The following MON2 variants were observed in gnomAD, a reference collection of about 807,000 sequenced individuals.
MON2 encodes the protein protein MON2 homolog.
A neutral mutation model predicts 208.6 loss-of-function variants in MON2; 84 were observed. The ratio of observed to expected loss-of-function variants is 0.40; its 90% CI spans 0.34 to 0.48. The LOEUF is 0.48. Among genes scored for constraint, MON2 ranks in the 20% least tolerant of loss-of-function variants. The probability of loss-of-function intolerance (pLI) is 0.59; values close to 1 mark genes in which losing one functional copy is unlikely to be tolerated. For synonymous variants in MON2, 660 were observed against 694.0 expected (o/e 0.95, Z 0.77); for missense variants, 1,611 against 2,015.4 (o/e 0.80, Z 3.84).
intron 2 of MON2, among the ~76,000 whole-genome samples, chr12:62,490,417 T>C (rs2070057284): frequency 6.6e-6 from 1 of 152,142 alleles, no homozygotes; most frequent in Non-Finnish European, 1.5e-5. Flanking sequence ...TACAGCCTTT[T>C]TGTCAGTGTG....
At chr12:62,590,052 G>A (rs1448864773) in intron 34 of MON2, among the ~76,000 whole-genome samples, 2 of 152,054 alleles carry the variant, frequency 1.3e-5, no homozygotes, top group Non-Finnish European at 2.9e-5. Context: ...AGTGAGAGAA[G>A]ATGCATTTGT....
At chr12:62,581,506 G>A (rs1016625659) in intron 32 of MON2, among the ~76,000 whole-genome samples, 4 of 152,146 alleles carry the variant, frequency 2.6e-5, no homozygotes, top group African/African-American at 9.7e-5. Flanking sequence ...AGTTATGATT[G>A]TACCACTGCA....
intron 12 of MON2, among the ~76,000 whole-genome samples, chr12:62,533,342 C>G (rs1378428246): frequency 2.0e-5 from 3 of 152,186 alleles, no homozygotes; most frequent in Non-Finnish European, 4.4e-5. Context: ...TAATTATTAA[C>G]TTTTTGTGGA....
intron 30 of MON2, among the ~76,000 whole-genome samples, chr12:62,577,799 G>A (rs1006897711): frequency 2.0e-5 from 3 of 151,982 alleles, no homozygotes; most frequent in African/African-American, 7.2e-5. Context: ...ATTCTCAACT[G>A]TTTTTAAATA....
At chr12:62,470,124 C>G (rs1353371746) in intron 1 of MON2, among the ~76,000 whole-genome samples, 1 of 151,934 alleles carries the variant, frequency 6.6e-6, no homozygotes, top group Non-Finnish European at 1.5e-5. Flanking sequence ...CGAGGCTTGT[C>G]TCCAACTCCT....
intron 10 of MON2, 24 bp from the exon 11 acceptor site, chr12:62,525,925 T>C (rs2072309336): frequency 3.7e-6 from 6 of 1,603,544 alleles, no homozygotes; most frequent in Non-Finnish European, 5.1e-6. Context: ...GTGTCTTTTC[T>C]TTTTTTCCCT....
chr12:62,589,448 T>G (rs1449707953), intron 34 of MON2, among the ~76,000 whole-genome samples: 1 of 152,208 alleles, frequency 6.6e-6, no homozygotes, highest in Non-Finnish European at 1.5e-5. Flanking sequence ...TTTTCTTTTG[T>G]TAAAATTCAC....
intron 1 of MON2, among the ~76,000 whole-genome samples, chr12:62,479,110 A>C (rs753783077): frequency 2.0e-5 from 3 of 152,212 alleles, no homozygotes; most frequent in Non-Finnish European, 4.4e-5. Context: ...TTAAACATTT[A>C]GGTTAATAAT....
At chr12:62,503,636 A>G (rs903706403) in intron 7 of MON2, among the ~76,000 whole-genome samples, 4 of 152,214 alleles carry the variant, frequency 2.6e-5, no homozygotes, top group African/African-American at 9.6e-5. Flanking sequence ...TTCATGGTTT[A>G]GTCCCCAGTA....
At chr12:62,479,275 T>G (rs2069259278) in intron 1 of MON2, among the ~76,000 whole-genome samples, 1 of 152,232 alleles carries the variant, frequency 6.6e-6, no homozygotes, top group Admixed American at 6.5e-5. Context: ...CTGAGGATAT[T>G]CAAGCCCCTG....
In MON2 at chr12:62,498,019, T is replaced by A. The variant is rs1280223085; in HGVS notation, c.436-900T>A. 2.0e-5 allele frequency among the ~76,000 whole-genome samples: 3 copies of A among 151,776 alleles called. No homozygotes were observed. In the East Asian group the frequency reaches 5.8e-4, roughly 29 times the overall value. ...TAAATGAAAACATATGTCCTCACAG[T>A]GACTTATATATATGAATGTTCATAG... On this transcript the variant is annotated intron_variant, in intron 4 of 34. Transcript: ENST00000393630.
At chr12:62,510,396 A>C (rs1431628743) in intron 8 of MON2, among the ~76,000 whole-genome samples, 2 of 152,218 alleles carry the variant, frequency 1.3e-5, no homozygotes, top group African/African-American at 4.8e-5. Context: ...AGAAAGTACA[A>C]GGAAACTTAA....
chr12:62,581,617 C>T (rs951734478), intron 32 of MON2, among the ~76,000 whole-genome samples: 1 of 152,088 alleles, frequency 6.6e-6, no homozygotes, highest in East Asian at 1.9e-4. Flanking sequence ...GGGCAGATCA[C>T]TTAAGGTCAG....
Position 62,565,390 on chromosome 12 carries a change from T to C in MON2, c.4176+10T>C. The stretch of plus-strand genomic sequence containing the variant: ...TGCAAAATATAATCAGGTAATTTAC[T>C]GTAAATTTTATTTACTTTGTAAGAT... On this transcript the variant is annotated intron_variant, in intron 27 of 34. Coordinates refer to ENST00000393630, the MANE Select transcript of MON2 (RefSeq NM_015026.3). 1 of 1,588,596 alleles carries C rather than the reference T, an allele frequency of 6.3e-7. No individual in the cohort carries two copies. The highest frequency in any genetic ancestry group is 1.4e-5 in the African/African-American group (1 of 73,720).
chr12:62,583,487 T>G (rs1244440649), intron 32 of MON2, among the ~76,000 whole-genome samples: 1 of 151,798 alleles, frequency 6.6e-6, no homozygotes, highest in Non-Finnish European at 1.5e-5. Flanking sequence ...ATCAAAGAAA[T>G]AAACTGAAGA....
chr12:62,510,768 A>G (rs2071354332), intron 8 of MON2, among the ~76,000 whole-genome samples: 1 of 152,216 alleles, frequency 6.6e-6, no homozygotes, highest in South Asian at 2.1e-4. Context: ...CTTCTATTCA[A>G]CATGGTACTG....
intron 1 of MON2, among the ~76,000 whole-genome samples, chr12:62,481,590 G>A (rs200230781): frequency 1.3e-5 from 2 of 151,674 alleles, no homozygotes; most frequent in South Asian, 2.1e-4. Context: ...GGTTGCAATC[G>A]GGGCATCAGG....
intron 12 of MON2, among the ~76,000 whole-genome samples, chr12:62,534,545 A>ATATATATATATATATATTT (rs2072853400): frequency 1.1e-4 from 3 of 28,076 alleles, no homozygotes; most frequent in African/African-American, 4.6e-4. Flanking sequence ...AAAAAAAAAT[A>ATATATATATATATATATTT]TATATATATA....
intron 7 of MON2, among the ~76,000 whole-genome samples, chr12:62,507,527 C>T (rs1029572776): frequency 1.3e-5 from 2 of 151,910 alleles, no homozygotes; most frequent in Non-Finnish European, 2.9e-5. Flanking sequence ...CTGTGTTGCT[C>T]AGGCTGGTCT....
Sources: gnomAD v4.1 joint callset for allele counts (sites outside exome capture counted in the v4.1 genomes callset) on GRCh38, gnomAD v4.1.1 for gene constraint, MANE v1.5 for transcripts, NCBI Gene and HGNC (gene_info 2026-07-23, HGNC 2026-07-21) for gene names.